AGO3: variants seen among roughly 807,000 people sequenced by gnomAD.
The protein encoded by AGO3 is argonaute RISC catalytic component 3.
AGO3 carries 16 observed loss-of-function variants against 105.5 expected under a neutral mutation model. That is an observed-to-expected ratio of 0.15 (90% CI 0.10 to 0.23). The LOEUF (loss-of-function observed/expected upper bound fraction) is 0.23. Ranked by LOEUF, AGO3 falls within the 10% of genes least tolerant of loss-of-function variation. AGO3 has a pLI of 1.00. For synonymous variants in AGO3, 340 were observed against 367.3 expected, an observed-to-expected ratio of 0.93 and a Z score of 0.85; for missense variants, 534 against 1,088.0, an observed-to-expected ratio of 0.49 and a Z score of 7.16.
chr1:35,992,950 C>T (rs746573703), intron 5 of AGO3, among the ~76,000 whole-genome samples: 2 of 152,096 alleles, frequency 1.3e-5, no homozygotes, highest in African/African-American at 2.4e-5. Flanking sequence ...AGTTCCTTGC[C>T]ATGTGGACCT....
Position 36,048,244 on chromosome 1 carries a change from A to G in AGO3, c.2274+4696A>G, listed in dbSNP as rs570757656. 2.0e-4 allele frequency among the ~76,000 whole-genome samples: 31 copies of G among 151,914 alleles called. 1 individual carries two copies. The highest frequency in any genetic ancestry group is 7.0e-4 in the African/African-American group (29 of 41,420). ...GGTTGCAGTGAGCTATGATTGTGCC[A>G]CTGTACTCCAGCCTGGGCAACGGAG... On this transcript the variant is annotated intron_variant, in intron 17 of 18. Transcript: ENST00000373191.
intron 2 of AGO3, among the ~76,000 whole-genome samples, chr1:35,946,974 A>G (rs1474274145): frequency 6.6e-6 from 1 of 152,238 alleles, no homozygotes; most frequent in East Asian, 1.9e-4. Context: ...CAAGTAGGAA[A>G]GGTGAAACCA....
In AGO3 at chr1:35,975,564, T is replaced by G. The variant is rs891995959; in HGVS notation, c.658+2053T>G. Among the ~76,000 whole-genome samples the G allele has an allele frequency of 4.6e-5, 7 of 152,302 alleles. No individual in the cohort carries two copies. The East Asian group carries it at 1.4e-3, about 29-fold the overall frequency. On this transcript the variant is annotated intron_variant, in intron 5 of 18. Transcript: ENST00000373191. ...TTTTTTTTGTTGTTGTTTTTGTTTTTGCCATGCAGAAGTTTGTTTGTATGT... is the reference window on the plus strand; with the variant it reads ...TTTTTTTTGTTGTTGTTTTTGTTTTGGCCATGCAGAAGTTTGTTTGTATGT...
At chr1:35,969,584 A>G (rs1009418870) in intron 3 of AGO3, among the ~76,000 whole-genome samples, 4 of 152,110 alleles carry the variant, frequency 2.6e-5, no homozygotes, top group African/African-American at 9.7e-5. Flanking sequence ...GGCCAGTGGG[A>G]ACTCTTTTAA....
intron 4 of AGO3, 145 bp from the exon 5 acceptor site, chr1:35,973,230 T>C (rs1290848088): frequency 1.1e-6 from 1 of 924,492 alleles, no homozygotes; most frequent in Non-Finnish European, 1.4e-6. Flanking sequence ...ACTTTTTGCT[T>C]TCTCAAATTT....
intron 17 of AGO3, among the ~76,000 whole-genome samples, chr1:36,045,917 G>A (rs539483387): frequency 2.0e-5 from 3 of 152,104 alleles, no homozygotes; most frequent in Non-Finnish European, 4.4e-5. Context: ...AAACCCTGGT[G>A]AGCACAGAAA....
intron 9 of AGO3, among the ~76,000 whole-genome samples, chr1:36,010,971 GAAAA>G (rs1302487048): frequency 1.3e-5 from 2 of 151,608 alleles, no homozygotes; most frequent in Admixed American, 1.3e-4. Flanking sequence ...GAGAGAGAAA[GAAAA>G]GAAAGAAAGG....
intron 13 of AGO3, 28 bp from the exon 14 acceptor site, chr1:36,036,149 T>TCTAAC: frequency 1.2e-6 from 2 of 1,602,298 alleles, no homozygotes; most frequent in Non-Finnish European, 8.5e-7. Context: ...AAATGAAATA[T>TCTAAC]CTAACCCTTT....
chr1:35,987,966 G>C (rs1204494472), intron 5 of AGO3, among the ~76,000 whole-genome samples: 1 of 151,896 alleles, frequency 6.6e-6, no homozygotes, highest in African/African-American at 2.4e-5. Flanking sequence ...TACTCAGGAG[G>C]CTAAGGCAGG....
chr1:36,041,072 CAAAAAAAAAAA>C (rs35842002), intron 16 of AGO3, among the ~76,000 whole-genome samples: 2 of 33,218 alleles, frequency 6.0e-5, no homozygotes, highest in Non-Finnish European at 1.4e-4. Context: ...AACTCCATCT[CAAAAAAAAAAA>C]AAAAAAAAAA....
intron 2 of AGO3, among the ~76,000 whole-genome samples, chr1:35,946,092 G>T (rs1476088579): frequency 3.9e-5 from 6 of 152,148 alleles, no homozygotes; most frequent in African/African-American, 1.4e-4. Context: ...TAATAGAAAA[G>T]GTTCAAGTTA....
rs535122598 is a variant in AGO3 at position 35,942,880 on chromosome 1, T to G, written c.20-2812T>G. 3.9e-5 allele frequency among the ~76,000 whole-genome samples: 6 copies of G among 152,316 alleles called. No individual in the cohort carries two copies. The East Asian group carries it at 1.2e-3, about 29-fold the overall frequency. On this transcript the variant is annotated intron_variant, in intron 1 of 18. Transcript: ENST00000373191. ...CTATATCCATTTAACAAATCTGCAT[T>G]TGCTCATATCTCAACTCCCGGTGAC...
intron 3 of AGO3, among the ~76,000 whole-genome samples, chr1:35,969,262 C>T (rs746765919): frequency 1.2e-4 from 18 of 152,074 alleles, no homozygotes; most frequent in Non-Finnish European, 2.2e-4. Context: ...ACATTAACTT[C>T]TTATCAGATA....
At chr1:35,945,496 G>C (rs769953945) in intron 1 of AGO3, among the ~76,000 whole-genome samples, 196 bp from the exon 2 acceptor site, 3 of 152,098 alleles carry the variant, frequency 2.0e-5, no homozygotes, top group African/African-American at 4.8e-5. Flanking sequence ...AGAGGCATAC[G>C]GTTTTCTGTG....
At chr1:36,026,018 G>A (rs968224596) in intron 11 of AGO3, among the ~76,000 whole-genome samples, 1 of 151,694 alleles carries the variant, frequency 6.6e-6, no homozygotes, top group Non-Finnish European at 1.5e-5. Context: ...TCCAGCCTGG[G>A]CAACAGAGTG....
intron 2 of AGO3, among the ~76,000 whole-genome samples, chr1:35,957,343 G>A (rs1646587389): frequency 6.6e-6 from 1 of 151,782 alleles, no homozygotes; most frequent in African/African-American, 2.4e-5. Flanking sequence ...GCGACAGAGC[G>A]AGACTGTCTC....
At chr1:35,999,159 C>T (rs930892650) in intron 5 of AGO3, among the ~76,000 whole-genome samples, 1 of 152,070 alleles carries the variant, frequency 6.6e-6, no homozygotes, top group African/African-American at 2.4e-5. Context: ...TTGAGACCAG[C>T]CTGGCCAACA....
intron 11 of AGO3, among the ~76,000 whole-genome samples, chr1:36,018,723 A>G (rs757328068): frequency 4.0e-4 from 61 of 151,994 alleles, no homozygotes; most frequent in Non-Finnish European, 7.5e-4. Flanking sequence ...GAGCCACCAC[A>G]CCTGGCCAAT....
At chr1:35,958,822 C>A (rs1219124512) in intron 2 of AGO3, among the ~76,000 whole-genome samples, 1 of 152,140 alleles carries the variant, frequency 6.6e-6, no homozygotes, top group Admixed American at 6.5e-5. Context: ...AGACTGCCAG[C>A]TGTTTTAGTT....
Sources: allele counts gnomAD v4.1 joint callset (sites outside exome capture counted in the v4.1 genomes callset), GRCh38; gene constraint gnomAD v4.1.1; transcripts MANE v1.5; gene names NCBI Gene and HGNC (gene_info 2026-07-23, HGNC 2026-07-21).